GP2: variants seen among roughly 807,000 people sequenced by gnomAD.
GP2 encodes glycoprotein 2.
In GP2, 58 loss-of-function variants were observed where a neutral mutation model predicts 60.8. The ratio of observed to expected loss-of-function variants is 0.95; its 90% confidence interval spans 0.77 to 1.19. The LOEUF (loss-of-function observed/expected upper bound fraction) is 1.19. GP2 is among the 50% of genes most tolerant of loss of function. GP2 has a pLI of 0.00. For synonymous variants in GP2, 280 were observed against 253.4 expected, an observed-to-expected ratio of 1.10 and a Z score of -1.00; for missense variants, 647 against 667.4, an observed-to-expected ratio of 0.97 and a Z score of 0.34.
chr16:20,313,027 C>T (rs1201886370), intron 10 of GP2, among the ~76,000 whole-genome samples: 4 of 152,088 alleles, frequency 2.6e-5, no homozygotes, highest in Non-Finnish European at 2.9e-5. Flanking sequence ...AATGCTAGCA[C>T]GGAACATAGA....
chr16:20,317,314 G>C lies in GP2; in HGVS notation c.1315C>G (p.Arg439Gly), dbSNP rs752620491. 1.2e-6 allele frequency: 2 copies of C among 1,613,358 alleles called. No homozygotes were observed. The change falls in exon 8 of 11, where the codon CGG (arginine) becomes GGG (glycine). Residue 439 changes from arginine (R) to glycine (G), a missense_variant. Arg to Gly is a moderately radical substitution (Grantham distance 125). Coordinates refer to ENST00000302555, the MANE Select transcript of GP2 (RefSeq NM_001502.4). Reference sequence around the variant, plus strand: ...AACATGAACATCTGAACTGAGAACCGGCTTTCCGAGGACTGCCCATTCTCC... The same window carrying C: ...AACATGAACATCTGAACTGAGAACCCGCTTTCCGAGGACTGCCCATTCTCC... ...VEENGQSSES[R>G]FSVQMFMFAG... is the part of the protein sequence containing the mutation.
chr16:20,326,280 A>G, intron 2 of GP2, 58 bp downstream of exon 2: 2 of 1,553,592 alleles, frequency 1.3e-6, no homozygotes, highest in Non-Finnish European at 1.8e-6. Context: ...CTGCACTTCT[A>G]TCCTCACTTG....
At position 20,326,356 on chromosome 16, in the gene GP2, C is replaced by A. The variant is rs1230934190; in HGVS notation, c.76G>T (p.Ala26Ser). The A allele has an allele frequency of 6.8e-6, 11 of 1,613,926 alleles. No individual in the cohort carries two copies. Among genetic ancestry groups the A allele is most frequent in the Non-Finnish European group, 7.6e-6 (9 of 1,179,820 alleles). ...TACTTACCTCGCTGCACTGCAGATG[C>A]CTGGGTCAGAATGCAGGAGACCAAG... ...LALVSCILTQ[A>S]SAVQRGYGNP... Residue 26 changes from alanine (A) to serine (S), a missense_variant, in exon 2 of 11, where the codon GCA becomes TCA. Transcript: ENST00000302555.
At chr16:20,320,523 C>T in intron 4 of GP2, 50 bp from the exon 5 acceptor site, 1 of 1,215,194 alleles carries the variant, frequency 8.2e-7, no homozygotes, top group Non-Finnish European at 1.2e-6. Flanking sequence ...TCTGGAAGCC[C>T]ACTTTCCCTA....
chr16:20,326,114 C>G, intron 2 of GP2: 1 of 559,682 alleles, frequency 1.8e-6, no homozygotes, highest in Non-Finnish European at 3.2e-6. Flanking sequence ...ATTATGTTAA[C>G]TGGCTCCCAC....
intron 6 of GP2, 101 bp from the exon 7 acceptor site, chr16:20,318,531 G>A: frequency 9.6e-7 from 1 of 1,046,810 alleles, no homozygotes; most frequent in South Asian, 1.5e-5. Flanking sequence ...CACACATCTT[G>A]GATCCTTAAG....
In GP2 at chr16:20,324,096, G is replaced by A. The variant is rs140546073; in HGVS notation, c.255C>T (p.Cys85=). 1,326 of 1,614,016 alleles carry A rather than the reference G, an allele frequency of 8.2e-4. 6 individuals carry two copies. In the African/African-American group the frequency reaches 0.015, roughly 18 times the overall value. Residue 85 remains cysteine (C), a synonymous_variant, in exon 3 of 11, where the codon TGC becomes TGT. Coordinates refer to ENST00000302555, the MANE Select transcript of GP2 (RefSeq NM_001502.4). The stretch of plus-strand genomic sequence containing the variant: ...GGTACCAGCCGCTCATGTTTTTATC[G>A]CACCCCTGGGACCCTGCTGAGTTCT... ...STENSAGSQG[C]DKNMSGWYRF... is the part of the protein sequence containing the mutation.
Position 20,324,113 on chromosome 16 carries a change from C to A in GP2, c.238G>T (p.Ala80Ser). 1 of 1,614,158 alleles carries A rather than the reference C, an allele frequency of 6.2e-7. No individual in the cohort carries two copies. The highest frequency in any genetic ancestry group is 8.5e-7 in the Non-Finnish European group (1 of 1,179,962). Residue 80 changes from alanine (A) to serine (S), a missense_variant, in exon 3 of 11, where the codon GCA (alanine) becomes TCA (serine). Coordinates refer to ENST00000302555, the MANE Select transcript of GP2 (RefSeq NM_001502.4). Reference sequence around the variant, plus strand: ...TTTTTATCGCACCCCTGGGACCCTGCTGAGTTCTCTGTGCTTCGGAAGGGT... The same window carrying A: ...TTTTTATCGCACCCCTGGGACCCTGATGAGTTCTCTGTGCTTCGGAAGGGT... ...DEPFRSTENSAGSQGCDKNMS... is the reference protein window; with the variant it reads ...DEPFRSTENSSGSQGCDKNMS...
At chr16:20,314,618 TTGGGAAAGCTG>T (rs1359828392) in intron 10 of GP2, 28 bp downstream of exon 10, 1 of 1,399,452 alleles carries the variant, frequency 7.1e-7, no homozygotes, top group African/African-American at 1.4e-5. Context: ...GAAAGGAGAG[TTGGGAAAGCTG>T]TGGGAAAGGC....
intron 6 of GP2, among the ~76,000 whole-genome samples, chr16:20,319,341 T>C (rs1057229750): frequency 2.0e-5 from 3 of 152,234 alleles, no homozygotes; most frequent in Non-Finnish European, 4.4e-5. Flanking sequence ...TTGTCCTGTG[T>C]TTTTGTTTTC....
intron 3 of GP2, chr16:20,323,501 T>C (rs910610437): frequency 1.2e-5 from 7 of 574,422 alleles, no homozygotes; most frequent in African/African-American, 3.7e-5. Flanking sequence ...CCCCCCTTTT[T>C]TTCAGATCAG....
At position 20,318,338 on chromosome 16, in the gene GP2, T is replaced by A; in HGVS notation, c.1100A>T (p.Asp367Val). The A allele has an allele frequency of 6.2e-7, 1 of 1,613,612 alleles. No individual in the cohort carries two copies. Among genetic ancestry groups the A allele is most frequent in the South Asian group, 1.1e-5 (1 of 91,062 alleles). ...GGACTCAACAGACAGTTCAACTGCA[T>A]CCCCTTCGTAAGGATTCGTGTAGTT... Reference protein sequence around the residue: ...DQNYTNPYEGDAVELSVESVL... With the variant: ...DQNYTNPYEGVAVELSVESVL... Residue 367 changes from aspartate (D) to valine (V), a missense_variant, in exon 7 of 11, where the codon GAT (aspartate) becomes GTT (valine). Coordinates refer to ENST00000302555, the MANE Select transcript of GP2 (RefSeq NM_001502.4).
chr16:20,312,001 A>C (rs573892521), intron 10 of GP2, among the ~76,000 whole-genome samples: 4 of 152,246 alleles, frequency 2.6e-5, no homozygotes, highest in Admixed American at 2.6e-4. Context: ...GCCAAAGAGA[A>C]ATATTAATAG....
At chr16:20,319,865 C>T (rs1272589511) in intron 5 of GP2, 97 bp from the exon 6 acceptor site, 2 of 948,300 alleles carry the variant, frequency 2.1e-6, no homozygotes, top group Middle Eastern at 2.5e-4. Flanking sequence ...ATTTGCTTAA[C>T]CATGCAGCCA....
In GP2 at chr16:20,324,156, A is replaced by G. The variant is rs948871036; in HGVS notation, c.195T>C (p.Asn65=). 6.2e-7 allele frequency: 1 copy of G among 1,613,996 alleles called. No individual in the cohort carries two copies. The highest frequency in any genetic ancestry group is 1.3e-5 in the African/African-American group (1 of 75,030). Residue 65 remains asparagine, a synonymous_variant, in exon 3 of 11, where the codon AAT becomes AAC. Coordinates refer to ENST00000302555, the MANE Select transcript of GP2 (RefSeq NM_001502.4). The part of the protein sequence containing the change: ...EAHVCFDPCQ[N]YTLLDEPFRS... ...GGAAGGGTTCATCCAGGAGGGTGTA[A>G]TTCTGACAGGGGTCAAAACAGACAT...
chr16:20,314,644 GA>G lies in GP2; in HGVS notation c.1546+12del, dbSNP rs1964101771. ...TGGGAAAGCTGTGGGAAAGGCATGA[GA>G]AAATGATGTACCTGCAGTGCTAGGG... On this transcript the variant is annotated intron_variant, in intron 10 of 10. Transcript: ENST00000302555. 2 of 1,567,210 alleles carry G rather than the reference GA, an allele frequency of 1.3e-6. No homozygotes were observed. Among genetic ancestry groups the G allele is most frequent in the Non-Finnish European group, 8.8e-7 (1 of 1,137,154 alleles).
chr16:20,320,536 C>T, intron 4 of GP2, 63 bp from the exon 5 acceptor site: 1 of 1,056,700 alleles, frequency 9.5e-7, no homozygotes, highest in Admixed American at 1.9e-5. Flanking sequence ...TTTCCCTACT[C>T]TTTGGTAACA....
At chr16:20,327,371 TA>T in intron 1 of GP2, 95 bp downstream of exon 1, 1 of 934,090 alleles carries the variant, frequency 1.1e-6, no homozygotes, top group Non-Finnish European at 1.4e-6. Context: ...TGCTGGGTTC[TA>T]AAAATTTCCA....
In GP2 at chr16:20,319,686, T is replaced by C. The variant is rs368745332; in HGVS notation, c.941A>G (p.Asn314Ser). 3.7e-6 allele frequency: 6 copies of C among 1,609,268 alleles called. No homozygotes were observed. The highest frequency in any genetic ancestry group is 4.5e-5 in the East Asian group (2 of 44,868). Residue 314 changes from asparagine (N) to serine (S), a missense_variant, in exon 6 of 11, where the codon AAC (asparagine) becomes AGC (serine). Transcript: ENST00000302555. ...GTCCAGTGGGTAGGCACATTGGAAG[T>C]TGATGTTGAGGATGGTGTCTCTGAT... is the stretch of plus-strand genomic sequence containing the variant. ...FIIRDTILNI[N>S]FQCAYPLDMK...
Sources: gnomAD v4.1 joint callset for allele counts (sites outside exome capture counted in the v4.1 genomes callset) on GRCh38, gnomAD v4.1.1 for gene constraint, MANE v1.5 for transcripts, NCBI Gene and HGNC (gene_info 2026-07-23, HGNC 2026-07-21) for gene names.